The following STPG2 variants were observed in gnomAD, a reference collection of about 807,000 sequenced individuals.
STPG2 encodes sperm-tail PG-rich repeat-containing protein 2.
STPG2 carries 56 observed loss-of-function variants against 54.2 expected under a neutral mutation model. The ratio of observed to expected loss-of-function variants is 1.03; its 90% CI spans 0.83 to 1.29. The LOEUF (loss-of-function observed/expected upper bound fraction) is 1.29. Among genes scored for constraint, STPG2 ranks in the 50% most tolerant of loss-of-function variants. The probability of loss-of-function intolerance (pLI) is 0.00; values close to 1 mark genes in which losing one functional copy is unlikely to be tolerated. For synonymous variants in STPG2, 200 were observed against 181.8 expected (o/e 1.10, Z -0.81); for missense variants, 596 against 544.9 (o/e 1.09, Z -0.93).
chr4:97,961,968 C>G (rs1260378678), intron 7 of STPG2, among the ~76,000 whole-genome samples: 1 of 152,120 alleles, frequency 6.6e-6, no homozygotes, highest in South Asian at 2.1e-4. Context: ...AAATGCCCAT[C>G]AATCAATGAG....
intron 10 of STPG2, among the ~76,000 whole-genome samples, chr4:97,704,303 A>G (rs1479143159): frequency 6.6e-6 from 1 of 152,192 alleles, no homozygotes; most frequent in Non-Finnish European, 1.5e-5. Context: ...TCTGGGCTGA[A>G]AGCTATCCTT....
intron 5 of STPG2, among the ~76,000 whole-genome samples, chr4:98,028,435 A>G (rs1440392603): frequency 6.6e-6 from 1 of 152,178 alleles, no homozygotes; most frequent in African/African-American, 2.4e-5. Context: ...TATGTAGGAC[A>G]CAATTTAGCT....
chr4:97,874,629 T>C (rs1184355321), intron 8 of STPG2, among the ~76,000 whole-genome samples: 1 of 151,798 alleles, frequency 6.6e-6, no homozygotes, highest in Non-Finnish European at 1.5e-5. Context: ...TAGTATTTTG[T>C]TTCTGGTTTC....
At chr4:97,639,234 C>G (rs1721675495) in intron 10 of STPG2, among the ~76,000 whole-genome samples, 1 of 151,830 alleles carries the variant, frequency 6.6e-6, no homozygotes, top group African/African-American at 2.4e-5. Flanking sequence ...TCTCAGTAAA[C>G]TATCGCAAGA....
At chr4:97,523,284 T>A (rs1264836456) in intron 4 of STPG2, among the ~76,000 whole-genome samples, 1 of 151,848 alleles carries the variant, frequency 6.6e-6, no homozygotes, top group East Asian at 1.9e-4. Context: ...CCAAGCCGGA[T>A]AAATATTTTA....
chr4:97,608,947 A>C (rs1733661956), intron 10 of STPG2, among the ~76,000 whole-genome samples: 1 of 152,068 alleles, frequency 6.6e-6, no homozygotes. Flanking sequence ...GAATTACAGC[A>C]AGGTATATTC....
chr4:97,875,256 G>A (rs1730133768), intron 8 of STPG2, among the ~76,000 whole-genome samples: 1 of 151,802 alleles, frequency 6.6e-6, no homozygotes. Flanking sequence ...TTAACTATTG[G>A]ACTTTTGAAT....
chr4:97,637,225 G>C (rs1721578860), intron 10 of STPG2, among the ~76,000 whole-genome samples: 1 of 152,194 alleles, frequency 6.6e-6, no homozygotes, highest in African/African-American at 2.4e-5. Flanking sequence ...CATATAAACA[G>C]AGCCAAAGAC....
chr4:97,558,338 C>T (rs1343324371), downstream of STPG2, among the ~76,000 whole-genome samples: 1 of 152,152 alleles, frequency 6.6e-6, no homozygotes, highest in African/African-American at 2.4e-5. Flanking sequence ...CCTTCTAAGA[C>T]AGTTTCCTCC....
intron 4 of STPG2, among the ~76,000 whole-genome samples, chr4:97,471,043 A>G (rs1187950792): frequency 6.6e-6 from 1 of 152,292 alleles, no homozygotes; most frequent in African/African-American, 2.4e-5. Flanking sequence ...TAGGTAGTGT[A>G]TACAGCTAGA....
intron 8 of STPG2, among the ~76,000 whole-genome samples, chr4:97,896,174 T>C (rs1298325988): frequency 1.3e-5 from 2 of 151,750 alleles, no homozygotes; most frequent in African/African-American, 4.8e-5. Flanking sequence ...TAGAACACAA[T>C]CTGGGGTTAT....
chr4:97,471,176 C>T (rs887048787), intron 4 of STPG2, among the ~76,000 whole-genome samples: 2 of 152,090 alleles, frequency 1.3e-5, no homozygotes, highest in African/African-American at 4.8e-5. Flanking sequence ...GAATTTACCA[C>T]TTAGTATATT....
At chr4:97,913,117 T>C (rs1021082555) in intron 8 of STPG2, among the ~76,000 whole-genome samples, 4 of 152,204 alleles carry the variant, frequency 2.6e-5, no homozygotes, top group African/African-American at 9.6e-5. Flanking sequence ...GTTTGTATAA[T>C]ATAAGCTTCA....
intron 4 of STPG2, among the ~76,000 whole-genome samples, chr4:97,482,711 C>T (rs1264532907): frequency 6.6e-6 from 1 of 151,568 alleles, no homozygotes; most frequent in Non-Finnish European, 1.5e-5. Flanking sequence ...CAAAGGACTT[C>T]TGGGGAATTC....
chr4:97,889,676 T>A (rs892949528), intron 8 of STPG2, among the ~76,000 whole-genome samples: 2 of 152,044 alleles, frequency 1.3e-5, no homozygotes, highest in African/African-American at 4.8e-5. Flanking sequence ...GGGAAAAAGT[T>A]TGGGGGAAAG....
chr4:97,684,490 C>A (rs546845775), intron 10 of STPG2, among the ~76,000 whole-genome samples: 1 of 151,996 alleles, frequency 6.6e-6, no homozygotes, highest in East Asian at 1.9e-4. Context: ...ACAGGATAAT[C>A]TTTTCAACAA....
chr4:97,921,517 C>T (rs1382441473), intron 8 of STPG2, among the ~76,000 whole-genome samples: 4 of 151,614 alleles, frequency 2.6e-5, no homozygotes, highest in Non-Finnish European at 5.9e-5. Context: ...AAAAATTCCA[C>T]AGAGAGCTCC....
intron 8 of STPG2, among the ~76,000 whole-genome samples, chr4:97,847,154 G>T (rs1341318928): frequency 2.0e-5 from 3 of 151,996 alleles, no homozygotes. Context: ...AGAAAACTTT[G>T]TTTAAGCAAT....
intron 10 of STPG2, among the ~76,000 whole-genome samples, chr4:97,704,538 G>A (rs1196500137): frequency 1.3e-5 from 2 of 152,112 alleles, no homozygotes; most frequent in Non-Finnish European, 2.9e-5. Flanking sequence ...AAGAAATGAA[G>A]GAAAAGAATT....
Sources: gnomAD v4.1 joint callset for allele counts (sites outside exome capture counted in the v4.1 genomes callset) on GRCh38, gnomAD v4.1.1 for gene constraint, MANE v1.5 for transcripts, NCBI Gene and HGNC (gene_info 2026-07-23, HGNC 2026-07-21) for gene names.